TMEM161B: variants seen among roughly 807,000 people sequenced by gnomAD.
TMEM161B encodes the protein transmembrane protein 161B.
In TMEM161B, 34 loss-of-function variants were observed where a neutral mutation model predicts 61.8. The ratio of observed to expected loss-of-function variants is 0.55; its 90% confidence interval spans 0.42 to 0.73. The LOEUF is 0.73. TMEM161B is among the 30% of genes least tolerant of loss of function. The pLI, the probability that TMEM161B is intolerant of heterozygous loss-of-function variation, is 0.00. For synonymous variants in TMEM161B, 167 were observed against 192.8 expected (o/e 0.87, Z 1.11); for missense variants, 456 against 558.5 (o/e 0.82, Z 1.85).
chr5:88,220,476 T>C (rs2112522631), intron 5 of TMEM161B, 87 bp downstream of exon 5: 1 of 1,089,886 alleles, frequency 9.2e-7, no homozygotes, highest in South Asian at 2.9e-5. Flanking sequence ...AGTTATCTAA[T>C]GACATAAAAT....
At chr5:88,192,190 C>T (rs1031423708), downstream of TMEM161B, among the ~76,000 whole-genome samples, 3 of 149,994 alleles carry the variant, frequency 2.0e-5, no homozygotes, top group East Asian at 2.0e-4. Flanking sequence ...TTTCCCCAAA[C>T]GGGAGAAAGA....
In TMEM161B at chr5:88,208,996, T is replaced by C. The variant is rs546535435; in HGVS notation, c.447-1816A>G. 2.0e-5 allele frequency among the ~76,000 whole-genome samples: 3 copies of C among 152,372 alleles called. No homozygotes were observed. The East Asian group carries it at 5.8e-4, about 29-fold the overall frequency. On this transcript the variant is annotated intron_variant, in intron 5 of 11. Coordinates refer to ENST00000296595, the MANE Select transcript of TMEM161B (RefSeq NM_153354.5). Reference sequence around the variant, plus strand: ...TTATACAACATATTTAATAATTTTGTGCATGAAAAAAATTTTGACTGCATT... The same window carrying C: ...TTATACAACATATTTAATAATTTTGCGCATGAAAAAAATTTTGACTGCATT...
At chr5:88,197,610 G>T in intron 11 of TMEM161B, 59 bp downstream of exon 11, 1 of 1,368,688 alleles carries the variant, frequency 7.3e-7, no homozygotes, top group Non-Finnish European at 1.0e-6. Context: ...GTGACAAAAA[G>T]CTTTATTAAT....
chr5:88,233,207 A>T (rs1751306683), intron 2 of TMEM161B, among the ~76,000 whole-genome samples: 1 of 152,238 alleles, frequency 6.6e-6, no homozygotes, highest in South Asian at 2.1e-4. Context: ...CAGTTGGGGT[A>T]AAATTTAACC....
Position 88,240,901 on chromosome 5 carries a change from G to T in TMEM161B, c.19C>A (p.Gln7Lys). Residue 7 changes from glutamine to lysine, a missense_variant, in exon 2 of 12, where the codon CAG becomes AAG. Gln to Lys is a moderately conservative substitution (Grantham distance 53). Around this residue, in one of 3 missense-constraint regions of TMEM161B, gnomAD observed 85 missense variants for 111.2 expected, o/e 0.76. Coordinates refer to ENST00000296595, the MANE Select transcript of TMEM161B (RefSeq NM_153354.5). ...GCCATCACCATGGTAACAACCAGCT[G>T]TATACCTATCACACCCTGTGTAAAA... is the stretch of plus-strand genomic sequence containing the variant. MGVIGI[Q>K]LVVTMVMASV... 6.2e-7 allele frequency: 1 copy of T among 1,603,876 alleles called. No homozygotes were observed. Among genetic ancestry groups the T allele is most frequent in the Non-Finnish European group, 8.5e-7 (1 of 1,175,040 alleles).
downstream of TMEM161B, among the ~76,000 whole-genome samples, chr5:88,192,217 G>C (rs1456090925): frequency 6.6e-6 from 1 of 151,366 alleles, no homozygotes; most frequent in Non-Finnish European, 1.5e-5. Context: ...ACCACATGCA[G>C]GGAGTGGTGG....
At chr5:88,221,687 G>C (rs192556795) in intron 4 of TMEM161B, 1 of 455,812 alleles carries the variant, frequency 2.2e-6, no homozygotes, top group East Asian at 7.0e-5. Flanking sequence ...TTGCATCTCA[G>C]GTGGCATAGG....
At chr5:88,247,386 C>A (rs563337427) in intron 1 of TMEM161B, among the ~76,000 whole-genome samples, 1 of 152,064 alleles carries the variant, frequency 6.6e-6, no homozygotes, top group Non-Finnish European at 1.5e-5. Context: ...AGCTCTCCTG[C>A]TGACAGATCA....
downstream of TMEM161B, among the ~76,000 whole-genome samples, chr5:88,189,179 T>A (rs985893043): frequency 6.6e-5 from 10 of 152,178 alleles, no homozygotes; most frequent in Admixed American, 2.0e-4. Flanking sequence ...GGTGGCATTA[T>A]ACACACAAGT....
rs374906394 is a variant in TMEM161B at position 88,225,318 on chromosome 5, G to C, written c.289+451C>G. ...TTGGTAAGTCTTCTGGTTAGCAGTA[G>C]GCTATTAGTAGTTAGGTTATGGGGG... On this transcript the variant is annotated intron_variant, in intron 4 of 11. Transcript: ENST00000296595. Among the ~76,000 whole-genome samples, 193 of 152,138 alleles carry C rather than the reference G, an allele frequency of 1.3e-3. 1 individual carries two copies. Among genetic ancestry groups the C allele is most frequent in the African/African-American group, 4.3e-3 (180 of 41,522 alleles).
intron 5 of TMEM161B, among the ~76,000 whole-genome samples, chr5:88,214,901 G>C (rs536909158): frequency 6.6e-6 from 1 of 152,314 alleles, no homozygotes; most frequent in South Asian, 2.1e-4. Flanking sequence ...CAGAGCTGAT[G>C]ACAAGAGAAG....
chr5:88,193,706 A>C (rs900886443), downstream of TMEM161B, among the ~76,000 whole-genome samples: 7 of 152,166 alleles, frequency 4.6e-5, no homozygotes, highest in African/African-American at 1.7e-4. Flanking sequence ...TTGAAACTTA[A>C]AATAATAACT....
chr5:88,213,309 A>G (rs1258623978), intron 5 of TMEM161B, among the ~76,000 whole-genome samples: 1 of 152,146 alleles, frequency 6.6e-6, no homozygotes, highest in African/African-American at 2.4e-5. Flanking sequence ...CCAATGTTAA[A>G]AAAAATTTTT....
At chr5:88,222,192 C>G (rs1448872393) in intron 4 of TMEM161B, among the ~76,000 whole-genome samples, 1 of 152,120 alleles carries the variant, frequency 6.6e-6, no homozygotes, top group East Asian at 1.9e-4. Context: ...CCTCAGCTTT[C>G]CTAGTAACTG....
At chr5:88,200,300 A>T (rs919342830) in intron 9 of TMEM161B, 1 of 152,118 alleles carries the variant, frequency 6.6e-6, no homozygotes, top group Non-Finnish European at 1.5e-5. Flanking sequence ...AAGAAAGATA[A>T]AGGCATAACA....
intron 3 of TMEM161B, among the ~76,000 whole-genome samples, chr5:88,226,551 G>C (rs1750080951): frequency 6.6e-6 from 1 of 152,094 alleles, no homozygotes; most frequent in Non-Finnish European, 1.5e-5. Flanking sequence ...TTCAGCCTCT[G>C]AGTAGCTGGG....
intron 10 of TMEM161B, chr5:88,198,015 T>C: frequency 3.3e-6 from 1 of 298,710 alleles, no homozygotes; most frequent in Non-Finnish European, 6.2e-6. Flanking sequence ...AAATGATGTA[T>C]ATATATTGGA....
intron 5 of TMEM161B, among the ~76,000 whole-genome samples, chr5:88,219,103 C>T (rs562762726): frequency 1.3e-4 from 20 of 152,262 alleles, no homozygotes; most frequent in African/African-American, 1.9e-4. Flanking sequence ...AGGAGGAAAA[C>T]TCTACTCAAG....
intron 8 of TMEM161B, among the ~76,000 whole-genome samples, chr5:88,203,981 C>T (rs2112392660): frequency 6.6e-6 from 1 of 151,488 alleles, no homozygotes; most frequent in East Asian, 1.9e-4. Flanking sequence ...CATTTTATTA[C>T]CATAAACTGC....
Sources: allele counts gnomAD v4.1 joint callset (sites outside exome capture counted in the v4.1 genomes callset), GRCh38; gene constraint gnomAD v4.1.1; regional missense constraint gnomAD v4.1.1; transcripts MANE v1.5; gene names NCBI Gene and HGNC (gene_info 2026-07-23, HGNC 2026-07-21).